GRID2: variants seen among roughly 807,000 people sequenced by gnomAD.
The protein encoded by GRID2 is glutamate ionotropic receptor delta type subunit 2.
In GRID2, 33 loss-of-function variants were observed where a neutral mutation model predicts 114.8. The ratio of observed to expected loss-of-function variants is 0.29; its 90% confidence interval spans 0.22 to 0.38. The LOEUF (loss-of-function observed/expected upper bound fraction) is 0.38, where lower values mean the gene tolerates loss of function less well. Ranked by LOEUF, GRID2 falls within the 10% of genes least tolerant of loss-of-function variation. The probability of loss-of-function intolerance (pLI) is 1.00; values close to 1 mark genes in which losing one functional copy is unlikely to be tolerated. For missense variants in GRID2, 1,184 were observed against 1,257.7 expected (o/e 0.94, Z 0.89); for synonymous variants, 505 against 449.9 (o/e 1.12, Z -1.55).
At chr4:92,469,993 C>A (rs888192973) in intron 1 of GRID2, among the ~76,000 whole-genome samples, 4 of 151,622 alleles carry the variant, frequency 2.6e-5, no homozygotes, top group Non-Finnish European at 1.5e-5. Context: ...TATAAGTTAT[C>A]CTATACAGAC....
intron 1 of GRID2, among the ~76,000 whole-genome samples, chr4:93,787,024 C>T (rs942816758): frequency 6.6e-6 from 1 of 151,644 alleles, no homozygotes; most frequent in African/African-American, 2.4e-5. Context: ...CCACAAATCT[C>T]AGTGGCTTGA....
At chr4:93,184,530 A>C (rs1455672757) in intron 4 of GRID2, among the ~76,000 whole-genome samples, 15 of 146,614 alleles carry the variant, frequency 1.0e-4, no homozygotes, top group East Asian at 4.1e-4. Context: ...AAAAAAAAAA[A>C]CTCACAGGTA....
chr4:93,601,049 G>C (rs1739628703), intron 13 of GRID2, among the ~76,000 whole-genome samples: 3 of 152,190 alleles, frequency 2.0e-5, no homozygotes, highest in Admixed American at 2.0e-4. Flanking sequence ...TGGAGTGATG[G>C]AAATGTTCTG....
chr4:93,219,794 G>A (rs1744664935), intron 6 of GRID2, among the ~76,000 whole-genome samples: 1 of 152,130 alleles, frequency 6.6e-6, no homozygotes, highest in African/African-American at 2.4e-5. Flanking sequence ...CTAATGGAGA[G>A]AAAACAGAAA....
intron 1 of GRID2, among the ~76,000 whole-genome samples, chr4:92,440,350 A>G (rs1174039095): frequency 7.6e-6 from 1 of 131,062 alleles, no homozygotes; most frequent in Admixed American, 7.5e-5. Context: ...TATGTCTGAC[A>G]GAAGGGAAGA....
chr4:93,331,986 G>C (rs938813716), intron 8 of GRID2, among the ~76,000 whole-genome samples: 1 of 152,012 alleles, frequency 6.6e-6, no homozygotes, highest in Non-Finnish European at 1.5e-5. Flanking sequence ...GTCAGAGCTC[G>C]ATACTTACAA....
chr4:93,690,793 C>G (rs909027297), intron 14 of GRID2, among the ~76,000 whole-genome samples: 10 of 151,254 alleles, frequency 6.6e-5, no homozygotes, highest in African/African-American at 2.4e-4. Flanking sequence ...GAACTTTGAA[C>G]TAGATAATCA....
intron 1 of GRID2, among the ~76,000 whole-genome samples, chr4:92,539,142 C>A (rs1005733645): frequency 6.6e-6 from 1 of 151,536 alleles, no homozygotes; most frequent in African/African-American, 2.4e-5. Flanking sequence ...AAGCAGGGGA[C>A]TATATTTTAT....
chr4:93,298,658 C>A (rs1754560026), intron 8 of GRID2, among the ~76,000 whole-genome samples: 1 of 152,222 alleles, frequency 6.6e-6, no homozygotes, highest in South Asian at 2.1e-4. Context: ...TACTCCAACC[C>A]TTCTTCAAAT....
At position 92,810,191 on chromosome 4, in the gene GRID2, AATTC is replaced by A. The variant is rs1414486262; in HGVS notation, c.244+219911_244+219914del. Among the ~76,000 whole-genome samples the A allele has an allele frequency of 3.9e-5, 6 of 152,064 alleles. No individual in the cohort carries two copies. The South Asian group carries it at 1.0e-3, about 26-fold the overall frequency. ...CTGAAAGAACTTAAAATTTTTTGAA[AATTC>A]ATTCAGTTACAGTTTCTAATTTGAT... On this transcript the variant is annotated intron_variant, in intron 2 of 15. Coordinates refer to ENST00000282020, the MANE Select transcript of GRID2 (RefSeq NM_001510.4).
At chr4:93,108,432 G>C (rs917327792) in intron 3 of GRID2, among the ~76,000 whole-genome samples, 16 of 152,108 alleles carry the variant, frequency 1.1e-4, no homozygotes, top group Non-Finnish European at 2.9e-5. Flanking sequence ...TTTGTAATCA[G>C]AAGATTTCAC....
intron 8 of GRID2, among the ~76,000 whole-genome samples, chr4:93,358,919 A>C (rs777424169): frequency 6.6e-6 from 1 of 152,086 alleles, no homozygotes; most frequent in Non-Finnish European, 1.5e-5. Context: ...AATGGGAAGA[A>C]AGTTAACTGT....
In GRID2 at chr4:93,224,652, T is replaced by C; in HGVS notation, c.1002T>C (p.Leu334=). 1 of 1,611,782 alleles carries C rather than the reference T, an allele frequency of 6.2e-7. No individual in the cohort carries two copies. Among genetic ancestry groups the C allele is most frequent in the Non-Finnish European group, 8.5e-7 (1 of 1,178,164 alleles). ...NLYIYDTVLL[L]ANAFHKKLED... is the part of the protein sequence containing the mutation. ...ACATATATGACACGGTGCTTCTGCT[T>C]GCTAATGCTTTTCATAAGAAGCTGG... The change falls in exon 7 of 16, where the codon CTT becomes CTC. Residue 334 remains leucine (L), a synonymous_variant. Coordinates refer to ENST00000282020, the MANE Select transcript of GRID2 (RefSeq NM_001510.4).
At chr4:93,766,873 T>C (rs1239830738) in intron 14 of GRID2, among the ~76,000 whole-genome samples, 2 of 152,196 alleles carry the variant, frequency 1.3e-5, no homozygotes, top group African/African-American at 2.4e-5. Flanking sequence ...TTGCTAACTA[T>C]AGTTACAATG....
At chr4:93,615,652 A>G (rs1338308681) in intron 13 of GRID2, among the ~76,000 whole-genome samples, 2 of 151,896 alleles carry the variant, frequency 1.3e-5, no homozygotes, top group African/African-American at 4.8e-5. Flanking sequence ...AAAAAAAAAA[A>G]AAGGAAATTG....
At chr4:93,326,332 G>A (rs908902839) in intron 8 of GRID2, among the ~76,000 whole-genome samples, 1 of 152,152 alleles carries the variant, frequency 6.6e-6, no homozygotes, top group African/African-American at 2.4e-5. Context: ...TCCTCAAGAA[G>A]CTAGTTTCTA....
At chr4:93,515,591 G>T (rs1729639813) in intron 13 of GRID2, among the ~76,000 whole-genome samples, 180 bp downstream of exon 13, 1 of 152,108 alleles carries the variant, frequency 6.6e-6, no homozygotes, top group Admixed American at 6.6e-5. Flanking sequence ...GGAATTCAAA[G>T]TCCTCTGTAG....
intron 14 of GRID2, among the ~76,000 whole-genome samples, chr4:93,746,008 A>G (rs1202806356): frequency 6.6e-6 from 1 of 152,144 alleles, no homozygotes; most frequent in Non-Finnish European, 1.5e-5. Context: ...CAAGGTAAAT[A>G]GAAGTACTGC....
intron 1 of GRID2, among the ~76,000 whole-genome samples, chr4:92,349,319 A>G (rs1033989524): frequency 6.6e-6 from 1 of 151,964 alleles, no homozygotes; most frequent in African/African-American, 2.4e-5. Flanking sequence ...ATCACAAAAT[A>G]ATTGACTTGT....
Sources: allele counts gnomAD v4.1 joint callset (sites outside exome capture counted in the v4.1 genomes callset), GRCh38; gene constraint gnomAD v4.1.1; transcripts MANE v1.5; gene names NCBI Gene and HGNC (gene_info 2026-07-23, HGNC 2026-07-21).